MAP3K13: variants seen among roughly 807,000 people sequenced by gnomAD.
MAP3K13 encodes the protein leucine zipper-bearing kinase.
MAP3K13 carries 52 observed loss-of-function variants against 104.0 expected under a neutral mutation model. That is an observed-to-expected ratio of 0.50 (90% confidence interval 0.40 to 0.63). MAP3K13 has a LOEUF of 0.63. Ranked by LOEUF, MAP3K13 falls within the 20% of genes least tolerant of loss-of-function variation. MAP3K13 has a pLI of 0.00. For missense variants in MAP3K13, 914 were observed against 1,218.5 expected (o/e 0.75, Z 3.72); for synonymous variants, 394 against 442.2 (o/e 0.89, Z 1.37).
At chr3:185,302,314 G>GA (rs1272945470) in intron 2 of MAP3K13, among the ~76,000 whole-genome samples, 1 of 152,128 alleles carries the variant, frequency 6.6e-6, no homozygotes, top group African/African-American at 2.4e-5. Flanking sequence ...CTGGGAGGCT[G>GA]AAGCAGGAGA....
chr3:185,463,680 C>T (rs1411789730), intron 8 of MAP3K13, 21 bp downstream of exon 8: 2 of 1,448,088 alleles, frequency 1.4e-6, no homozygotes, highest in Non-Finnish European at 1.9e-6. Context: ...CCCTCCTTCC[C>T]CACCTCCCTT....
At chr3:185,375,532 G>A (rs1724383110) in intron 1 of MAP3K13, among the ~76,000 whole-genome samples, 3 of 152,164 alleles carry the variant, frequency 2.0e-5, no homozygotes, top group Admixed American at 2.0e-4. Flanking sequence ...GAGGTTGGAA[G>A]GAGATATTTT....
Position 185,418,127 on chromosome 3 carries a change from T to G in MAP3K13, c.-85-10370T>G. 3.1e-6 allele frequency: 5 copies of G among 1,607,626 alleles called. No individual in the cohort carries two copies. The highest frequency in any genetic ancestry group is 3.4e-6 in the Non-Finnish European group (4 of 1,175,786). ...CCAGGGATGTTTCTGAAGGCCTTGA[T>G]GATACCATTATCCTCATTATAGATG... On this transcript the variant is annotated intron_variant, in intron 1 of 13. Coordinates refer to ENST00000265026, the MANE Select transcript of MAP3K13 (RefSeq NM_004721.5). This position sits in a 1 kb window ranked among gnomAD's most constrained non-coding sequence, Gnocchi z 4.5.
chr3:185,473,145 T>A lies in MAP3K13; in HGVS notation c.1814T>A (p.Ile605Asn). The change falls in exon 11 of 14, where the codon ATC becomes AAC. Residue 605 changes from isoleucine (I) to asparagine (N), a missense_variant. By Grantham distance (149) the Ile-to-Asn change is moderately radical. This residue lies in a region of MAP3K13 where 583 missense variants were observed against 737.4 expected (regional missense o/e 0.79). Transcript: ENST00000265026. The surrounding 1 kb of genome is among the most constrained non-coding windows in gnomAD (Gnocchi z 4.9). ...GGCAGCCATAGTGACTTTGCCGCAATCTTGAAAAACCAGCCAGCCCAGGAA... is the reference window on the plus strand; with the variant it reads ...GGCAGCCATAGTGACTTTGCCGCAAACTTGAAAAACCAGCCAGCCCAGGAA... ...SRGSHSDFAA[I>N]LKNQPAQENS... is the part of the protein sequence containing the mutation. 1 of 1,614,052 alleles carries A rather than the reference T, an allele frequency of 6.2e-7. No individual in the cohort carries two copies.
chr3:185,339,344 TAATGAAATGA>T (rs370364138), intron 2 of MAP3K13, among the ~76,000 whole-genome samples: 2 of 152,028 alleles, frequency 1.3e-5, no homozygotes, highest in Non-Finnish European at 2.9e-5. Flanking sequence ...TAAACTAAAA[TAATGAAATGA>T]AATGAAATGA....
intron 1 of MAP3K13, among the ~76,000 whole-genome samples, chr3:185,368,424 T>C (rs1035204411): frequency 6.6e-6 from 1 of 152,218 alleles, no homozygotes; most frequent in Admixed American, 6.5e-5. Context: ...TCTGTAGCAC[T>C]GCTCTGGAAT....
At chr3:185,455,594 A>G (rs1283881258) in intron 7 of MAP3K13, among the ~76,000 whole-genome samples, 2 of 11,758 alleles carry the variant, frequency 1.7e-4, no homozygotes, top group East Asian at 4.1e-3. Context: ...GATATATATG[A>G]GATATATATA....
At chr3:185,466,701 T>G (rs1717453877) in intron 9 of MAP3K13, 125 bp from the exon 10 acceptor site, 1 of 1,148,634 alleles carries the variant, frequency 8.7e-7, no homozygotes, top group African/African-American at 1.5e-5. Context: ...TAAACCTGAA[T>G]AGCAGTCTTG....
intron 1 of MAP3K13, among the ~76,000 whole-genome samples, chr3:185,386,393 T>C (rs946482960): frequency 6.6e-6 from 1 of 152,038 alleles, no homozygotes. Context: ...AGAATGGCTA[T>C]TAAAAAGTCA....
chr3:185,388,314 A>C (rs2108765437), intron 1 of MAP3K13, among the ~76,000 whole-genome samples: 1 of 152,074 alleles, frequency 6.6e-6, no homozygotes, highest in East Asian at 1.9e-4. Flanking sequence ...CCAACCTGGG[A>C]AACGAGGCAA....
In MAP3K13 at chr3:185,363,258, G is replaced by A. The variant is rs955949257; in HGVS notation, c.-196G>A. ...TGCGGTGGGCTGGAGGATTGTGTGG[G>A]TGGAATCCCCCTCCCCTTTATTTTT... On this transcript the variant is annotated 5_prime_UTR_variant, in exon 1 of 14. It adds an upstream start codon to the 5' untranslated region. Transcript: ENST00000265026. The A allele has an allele frequency of 1.6e-5, 16 of 985,148 alleles. No homozygotes were observed. The highest frequency in any genetic ancestry group is 1.8e-5 in the Non-Finnish European group (15 of 829,886). The allele number at this position is 985,148 out of a possible 1,614,324, so 61.0% of individuals were successfully genotyped here.
chr3:185,454,352 TGA>T (rs1491232005), intron 7 of MAP3K13, among the ~76,000 whole-genome samples: 1 of 48,164 alleles, frequency 2.1e-5, no homozygotes, highest in African/African-American at 5.3e-5. Context: ...ATGAGATATA[TGA>T]GATATATATG....
At chr3:185,388,071 C>A (rs1277605623) in intron 1 of MAP3K13, among the ~76,000 whole-genome samples, 2 of 150,428 alleles carry the variant, frequency 1.3e-5, no homozygotes, top group Non-Finnish European at 3.0e-5. Flanking sequence ...TATATACCAA[C>A]AACAAACTAG....
rs61642862 is a variant in MAP3K13, at chr3:185,297,619, C to A, written c.-86+11976C>A. Among the ~76,000 whole-genome samples the A allele has an allele frequency of 4.5e-3, 680 of 152,080 alleles. 3 individuals carry two copies. The highest frequency in any genetic ancestry group is 0.015 in the African/African-American group (640 of 41,478). ...GTGTGGTGGCACATGCCTGTAATCC[C>A]AGCTACTCGGGAGACTGAGGTGGGA... On this transcript the variant is annotated intron_variant, in intron 2 of 14. Transcript: ENST00000424227.
chr3:185,342,252 A>C (rs7430319), intron 2 of MAP3K13, among the ~76,000 whole-genome samples: 1 of 151,968 alleles, frequency 6.6e-6, no homozygotes, highest in Non-Finnish European at 1.5e-5. Flanking sequence ...CTGTATGAGA[A>C]AATAAATGTT....
At position 185,486,231 on chromosome 3, in the gene MAP3K13, T is replaced by C. The variant is rs1466630170; in HGVS notation, c.*3775T>C. 6.6e-6 allele frequency: 1 copy of C among 152,240 alleles called. No individual in the cohort carries two copies. The highest frequency in any genetic ancestry group is 1.5e-5 in the Non-Finnish European group (1 of 68,044). 9.4% of individuals were successfully genotyped at this position (152,240 alleles called of 1,614,324 possible). ...TTTGAATTCTCATCTTGATTATCTGTTATGCTATTGTCATCATACACCTTA... is the reference window on the plus strand; with the variant it reads ...TTTGAATTCTCATCTTGATTATCTGCTATGCTATTGTCATCATACACCTTA... On this transcript the variant is annotated 3_prime_UTR_variant, in exon 14 of 14. Transcript: ENST00000265026.
chr3:185,308,139 G>C (rs567892857), intron 2 of MAP3K13, among the ~76,000 whole-genome samples: 8 of 151,302 alleles, frequency 5.3e-5, no homozygotes, highest in Non-Finnish European at 1.2e-4. Flanking sequence ...CCAGTCTTCT[G>C]GACTGGCTTC....
At chr3:185,437,769 AAGG>A in intron 3 of MAP3K13, 139 bp downstream of exon 3, 1 of 791,614 alleles carries the variant, frequency 1.3e-6, no homozygotes. Flanking sequence ...GGAGGGTATC[AAGG>A]AACTATTAAA....
chr3:185,481,955 G>A (rs55732595), intron 13 of MAP3K13, among the ~76,000 whole-genome samples: 71,844 of 152,028 alleles, frequency 0.47, 17,235 homozygotes, highest in Middle Eastern at 0.52. Context: ...ATGGTGGCAC[G>A]CGCCTGTAGT....
Sources: allele counts gnomAD v4.1 joint callset (sites outside exome capture counted in the v4.1 genomes callset), GRCh38; gene constraint gnomAD v4.1.1; regional missense constraint gnomAD v4.1.1; non-coding constraint Gnocchi (gnomAD v3.1); transcripts MANE v1.5; gene names NCBI Gene and HGNC (gene_info 2026-07-23, HGNC 2026-07-21).